The following DOCK1 variants were observed in gnomAD, a reference collection of about 807,000 sequenced individuals.
The protein encoded by DOCK1 is dedicator of cytokinesis 1.
Under a neutral mutation model 262.7 loss-of-function variants are expected in DOCK1, and 138 were observed. The observed-to-expected ratio is 0.53, with a 90% CI of 0.46 to 0.61. The LOEUF (loss-of-function observed/expected upper bound fraction) is 0.61. DOCK1 is among the 20% of genes least tolerant of loss of function. DOCK1 has a pLI of 0.00. For synonymous variants in DOCK1, 866 were observed against 867.4 expected, an observed-to-expected ratio of 1.00 and a Z score of 0.03; for missense variants, 1,908 against 2,370.7, an observed-to-expected ratio of 0.80 and a Z score of 4.05.
intron 23 of DOCK1, among the ~76,000 whole-genome samples, chr10:127,067,318 C>T (rs2045935322): frequency 6.6e-6 from 1 of 152,146 alleles, no homozygotes; most frequent in Non-Finnish European, 1.5e-5. Flanking sequence ...GCATTGACAT[C>T]ATTTCAAGTC....
chr10:127,450,402 G>A (rs2070878128), intron 51 of DOCK1, among the ~76,000 whole-genome samples: 1 of 152,154 alleles, frequency 6.6e-6, no homozygotes, highest in African/African-American at 2.4e-5. Flanking sequence ...ATTTCATTCT[G>A]GTTCTTCTGC....
chr10:127,138,145 A>G, intron 27 of DOCK1: 1 of 822,508 alleles, frequency 1.2e-6, no homozygotes, highest in Non-Finnish European at 1.9e-6. Flanking sequence ...GTTTAATAAT[A>G]GCAATTCGAT....
chr10:127,295,301 A>AGAG (rs2061468822), intron 29 of DOCK1, among the ~76,000 whole-genome samples: 2 of 152,080 alleles, frequency 1.3e-5, no homozygotes, highest in African/African-American at 4.8e-5. Context: ...CAAGAGAGGG[A>AGAG]GAGGAGGAGG....
At chr10:127,236,108 T>A (rs1460712965) in intron 27 of DOCK1, among the ~76,000 whole-genome samples, 1 of 152,186 alleles carries the variant, frequency 6.6e-6, no homozygotes, top group Non-Finnish European at 1.5e-5. Context: ...AGACCAAAAA[T>A]TTTTAATTTT....
intron 29 of DOCK1, among the ~76,000 whole-genome samples, chr10:127,288,866 G>A (rs1463528521): frequency 2.0e-5 from 3 of 150,832 alleles, no homozygotes; most frequent in Non-Finnish European, 4.4e-5. Flanking sequence ...TTTCTCCTTA[G>A]GATATATCCT....
At chr10:127,224,388 C>T (rs2058556955) in intron 27 of DOCK1, among the ~76,000 whole-genome samples, 1 of 151,730 alleles carries the variant, frequency 6.6e-6, no homozygotes, top group Admixed American at 6.6e-5. Context: ...ATGTTGAAAC[C>T]CTGTCTCTAA....
At chr10:127,109,994 A>G (rs2048769490) in intron 24 of DOCK1, among the ~76,000 whole-genome samples, 1 of 151,972 alleles carries the variant, frequency 6.6e-6, no homozygotes, top group Admixed American at 6.6e-5. Flanking sequence ...TTCTCATTTC[A>G]TTATATCTTT....
intron 1 of DOCK1, among the ~76,000 whole-genome samples, chr10:126,918,554 A>AG (rs2032785537): frequency 6.6e-6 from 1 of 152,202 alleles, no homozygotes; most frequent in African/African-American, 2.4e-5. Context: ...CTGGATACTT[A>AG]GCAGGGCCTG....
intron 1 of DOCK1, among the ~76,000 whole-genome samples, chr10:126,955,594 T>C (rs2134458558): frequency 6.6e-6 from 1 of 152,262 alleles, no homozygotes; most frequent in East Asian, 1.9e-4. Context: ...GAAGACAGGC[T>C]GGCGCTGTCT....
At chr10:127,069,897 A>G (rs1206212184) in intron 23 of DOCK1, among the ~76,000 whole-genome samples, 2 of 152,190 alleles carry the variant, frequency 1.3e-5, no homozygotes, top group Non-Finnish European at 2.9e-5. Context: ...AGCTTAAAAC[A>G]GTGGTTTTTT....
intron 29 of DOCK1, among the ~76,000 whole-genome samples, chr10:127,302,875 G>A (rs1015832570): frequency 2.0e-5 from 3 of 151,784 alleles, no homozygotes; most frequent in African/African-American, 7.3e-5. Context: ...AGCCCTGTAT[G>A]CAATGAAAAT....
chr10:127,051,783 T>G (rs4751478), intron 21 of DOCK1, among the ~76,000 whole-genome samples: 133,506 of 152,068 alleles, frequency 0.88, 58,818 homozygotes, highest in South Asian at 0.93. Context: ...GGGTTTCATT[T>G]TGTTGTCCAG....
At chr10:127,248,221 C>A in intron 28 of DOCK1, 112 bp downstream of exon 28, 1 of 965,102 alleles carries the variant, frequency 1.0e-6, no homozygotes, top group Non-Finnish European at 1.6e-6. Context: ...GAGAACTTGT[C>A]TCTGATTGAT....
At chr10:127,196,720 GGAGGAA>G (rs2057191982) in intron 27 of DOCK1, among the ~76,000 whole-genome samples, 2 of 91,046 alleles carry the variant, frequency 2.2e-5, no homozygotes, top group Non-Finnish European at 4.9e-5. Flanking sequence ...TGGAGGAGGA[GGAGGAA>G]GAGGAGGAGG....
chr10:126,906,309 G>A (rs949616780), intron 1 of DOCK1, among the ~76,000 whole-genome samples: 1 of 152,090 alleles, frequency 6.6e-6, no homozygotes, highest in Admixed American at 6.5e-5. Flanking sequence ...TTCCTGAGAG[G>A]GAGGCTTTCC....
chr10:127,012,174 C>T lies in DOCK1; in HGVS notation c.1059-58C>T. ...CTCTTATGTTCCCTTGTTACCGTGG[C>T]CCATGGGTCTCTGTGCCCCTTTGTC... is the stretch of plus-strand genomic sequence containing the variant. On this transcript the variant is annotated intron_variant, in intron 11 of 51. Coordinates refer to ENST00000623213, the MANE Select transcript of DOCK1 (RefSeq NM_001290223.2). The surrounding 1 kb of genome is among the most constrained non-coding windows in gnomAD (Gnocchi z 4.0). 2.3e-6 allele frequency: 2 copies of T among 884,922 alleles called. No individual in the cohort carries two copies. Among genetic ancestry groups the T allele is most frequent in the Non-Finnish European group, 3.8e-6 (2 of 527,478 alleles). 54.8% of individuals were successfully genotyped at this position (884,922 alleles called of 1,614,324 possible). A position where few individuals can be genotyped will look rare whatever the true frequency, so the allele number is the denominator to read the frequency against.
Position 126,996,749 on chromosome 10 carries a change from A to G in DOCK1, c.475A>G (p.Ile159Val), listed in dbSNP as rs34385401. 1 of 1,605,852 alleles carries G rather than the reference A, an allele frequency of 6.2e-7. No homozygotes were observed. Among genetic ancestry groups the G allele is most frequent in the Non-Finnish European group, 8.5e-7 (1 of 1,177,528 alleles). ...VTAKIDYGNR[I>V]LDLDLVVRDE... is the part of the protein sequence containing the mutation. ...CTTACTAAATTCTTGTTGTTCTAGAATTCTAGATTTGGACCTGGTGGTTAG... is the reference window on the plus strand; with the variant it reads ...CTTACTAAATTCTTGTTGTTCTAGAGTTCTAGATTTGGACCTGGTGGTTAG... The change falls in exon 7 of 52, where the codon ATT (isoleucine) becomes GTT (valine). Residue 159 changes from isoleucine (I) to valine (V), a missense_variant and splice_region_variant. By Grantham distance (29) the Ile-to-Val change is conservative. Coordinates refer to ENST00000623213, the MANE Select transcript of DOCK1 (RefSeq NM_001290223.2).
At chr10:127,266,209 G>C (rs1310634676) in intron 29 of DOCK1, among the ~76,000 whole-genome samples, 1 of 152,228 alleles carries the variant, frequency 6.6e-6, no homozygotes, top group Non-Finnish European at 1.5e-5. Flanking sequence ...AATATTCTTT[G>C]TGCAGGTTGA....
chr10:127,310,064 A>G (rs1352749076), intron 29 of DOCK1, among the ~76,000 whole-genome samples: 1 of 152,020 alleles, frequency 6.6e-6, no homozygotes, highest in Non-Finnish European at 1.5e-5. Context: ...TAGTAGAGAC[A>G]GGGTTTCACC....
Sources: allele counts gnomAD v4.1 joint callset (sites outside exome capture counted in the v4.1 genomes callset), GRCh38; gene constraint gnomAD v4.1.1; non-coding constraint Gnocchi (gnomAD v3.1); transcripts MANE v1.5; gene names NCBI Gene and HGNC (gene_info 2026-07-23, HGNC 2026-07-21).